CYP7B1: variants seen among roughly 807,000 people sequenced by gnomAD.
CYP7B1 encodes cytochrome P450 7B1.
CYP7B1 carries 29 observed loss-of-function variants against 42.7 expected under a neutral mutation model. The ratio of observed to expected loss-of-function variants is 0.68; its 90% CI spans 0.51 to 0.93. The LOEUF is 0.93. CYP7B1 is among the 40% of genes least tolerant of loss of function. The pLI is 0.00. For synonymous variants in CYP7B1, 235 were observed against 218.2 expected (o/e 1.08, Z -0.68); for missense variants, 655 against 600.5 (o/e 1.09, Z -0.95).
intron 5 of CYP7B1, 38 bp from the exon 6 acceptor site, chr8:64,596,967 T>C (rs764847637): frequency 1.5e-4 from 232 of 1,551,436 alleles, no homozygotes; most frequent in Non-Finnish European, 2.0e-4. Context: ...ACATTTTATA[T>C]GAAATAGTTT....
intron 1 of CYP7B1, among the ~76,000 whole-genome samples, chr8:64,687,501 C>T (rs537437253): frequency 2.0e-5 from 3 of 152,132 alleles, no homozygotes; most frequent in African/African-American, 7.2e-5. Flanking sequence ...CTAAAAAAAA[C>T]CTGATGAATT....
In CYP7B1 at chr8:64,675,838, A is replaced by G. The variant is rs1806437935; in HGVS notation, c.123-51299T>C. 2.0e-5 allele frequency among the ~76,000 whole-genome samples: 3 copies of G among 152,146 alleles called. No individual in the cohort carries two copies. The South Asian group carries it at 6.2e-4, about 32-fold the overall frequency. ...CATTTTTCCTGTGAGATTCACAAAA[A>G]CCAACTTTTGTATATAGCTCCAAGG... On this transcript the variant is annotated intron_variant, in intron 1 of 5. Coordinates refer to ENST00000310193, the MANE Select transcript of CYP7B1 (RefSeq NM_004820.5).
intron 1 of CYP7B1, among the ~76,000 whole-genome samples, chr8:64,780,937 T>C (rs1451593780): frequency 6.6e-6 from 1 of 152,158 alleles, no homozygotes; most frequent in Non-Finnish European, 1.5e-5. Flanking sequence ...CCAAATCATA[T>C]CTGAGTCTCA....
chr8:64,627,523 G>T lies in CYP7B1; in HGVS notation c.123-2984C>A, dbSNP rs1340084882. Among the ~76,000 whole-genome samples the T allele has an allele frequency of 2.6e-5, 4 of 152,130 alleles. No individual in the cohort carries two copies. In the South Asian group the frequency reaches 6.2e-4, roughly 24 times the overall value. ...TGCATTTTGACAAAGATTTAGAAAA[G>T]CTTTTTGTCATATTCTAATTTAAAG... On this transcript the variant is annotated intron_variant, in intron 1 of 5. Coordinates refer to ENST00000310193, the MANE Select transcript of CYP7B1 (RefSeq NM_004820.5).
At chr8:64,753,438 G>C (rs899301878) in intron 1 of CYP7B1, among the ~76,000 whole-genome samples, 4 of 152,240 alleles carry the variant, frequency 2.6e-5, no homozygotes, top group Admixed American at 1.3e-4. Flanking sequence ...GACGTTCTTC[G>C]AAGTCCAAGC....
At chr8:64,656,677 A>T (rs1806125542) in intron 1 of CYP7B1, among the ~76,000 whole-genome samples, 1 of 152,228 alleles carries the variant, frequency 6.6e-6, no homozygotes, top group Non-Finnish European at 1.5e-5. Flanking sequence ...AAACCATTTT[A>T]AAAAACAATT....
intron 5 of CYP7B1, among the ~76,000 whole-genome samples, chr8:64,599,257 C>T (rs1805163808): frequency 6.6e-6 from 1 of 151,954 alleles, no homozygotes; most frequent in Non-Finnish European, 1.5e-5. Context: ...GGCGCGATCT[C>T]GGCTCACTGC....
At chr8:64,669,726 TACACACACAC>T (rs57345617) in intron 1 of CYP7B1, among the ~76,000 whole-genome samples, 1 of 129,820 alleles carries the variant, frequency 7.7e-6, no homozygotes, top group Non-Finnish European at 1.7e-5. Context: ...TTTACATACA[TACACACACAC>T]ACACACACAC....
chr8:64,620,864 C>T (rs541658068), intron 2 of CYP7B1, among the ~76,000 whole-genome samples: 2 of 152,228 alleles, frequency 1.3e-5, no homozygotes, highest in Admixed American at 1.3e-4. Flanking sequence ...CAGCAAGCTT[C>T]TTGGTACCTA....
chr8:64,710,612 T>A (rs1462664609), intron 1 of CYP7B1, among the ~76,000 whole-genome samples: 4 of 152,190 alleles, frequency 2.6e-5, no homozygotes, highest in African/African-American at 9.6e-5. Flanking sequence ...TCAGTTAGGA[T>A]ACTTGCCATT....
intron 1 of CYP7B1, among the ~76,000 whole-genome samples, chr8:64,642,304 A>G: frequency 6.6e-6 from 1 of 151,606 alleles, no homozygotes; most frequent in African/African-American, 2.4e-5. Context: ...TCGAAGTCCT[A>G]GTAATGTGTC....
At chr8:64,609,076 A>G (rs911673478) in intron 4 of CYP7B1, among the ~76,000 whole-genome samples, 1 of 152,204 alleles carries the variant, frequency 6.6e-6, no homozygotes, top group Non-Finnish European at 1.5e-5. Context: ...CAATCTAGGA[A>G]GTTCAAAGTT....
intron 1 of CYP7B1, among the ~76,000 whole-genome samples, chr8:64,745,192 T>C (rs1186545067): frequency 1.3e-5 from 2 of 152,164 alleles, no homozygotes; most frequent in Non-Finnish European, 2.9e-5. Flanking sequence ...TTCCGGTTAT[T>C]TAAAGAATGC....
At chr8:64,735,745 A>C (rs1198192450) in intron 1 of CYP7B1, among the ~76,000 whole-genome samples, 1 of 152,172 alleles carries the variant, frequency 6.6e-6, no homozygotes, top group African/African-American at 2.4e-5. Flanking sequence ...GGCAATGAGA[A>C]TGGGATCTGT....
At chr8:64,685,679 G>A (rs1303668713) in intron 1 of CYP7B1, among the ~76,000 whole-genome samples, 4 of 43,352 alleles carry the variant, frequency 9.2e-5, no homozygotes, top group Non-Finnish European at 1.6e-4. Context: ...CAGCTGCCCC[G>A]TCTGAGAAGT....
intron 1 of CYP7B1, among the ~76,000 whole-genome samples, chr8:64,655,121 T>G (rs1806102651): frequency 6.6e-6 from 1 of 152,166 alleles, no homozygotes; most frequent in South Asian, 2.1e-4. Context: ...GCAAATGTTT[T>G]ATGACAAAGA....
At chr8:64,643,142 TATAC>T (rs372171210) in intron 1 of CYP7B1, among the ~76,000 whole-genome samples, 98 of 41,802 alleles carry the variant, frequency 2.3e-3, no homozygotes, top group African/African-American at 6.7e-3. Flanking sequence ...TATATACATA[TATAC>T]ATATATACAT....
chr8:64,628,668 A>AAATAT (rs2129630534), intron 1 of CYP7B1, among the ~76,000 whole-genome samples: 1 of 152,202 alleles, frequency 6.6e-6, no homozygotes, highest in Non-Finnish European at 1.5e-5. Flanking sequence ...AAATAAAATA[A>AAATAT]AATATAAAAT....
In CYP7B1 at chr8:64,782,211, A is replaced by C. The variant is rs185875361; in HGVS notation, c.122+16255T>G. On this transcript the variant is annotated intron_variant, in intron 1 of 5. Coordinates refer to ENST00000310193, the MANE Select transcript of CYP7B1 (RefSeq NM_004820.5). ...GAGCTGCAGACGACTTCACATACACAAATTGCCAGCTATGATCTGCCTTTC... is the reference window on the plus strand; with the variant it reads ...GAGCTGCAGACGACTTCACATACACCAATTGCCAGCTATGATCTGCCTTTC... Among the ~76,000 whole-genome samples, 8 of 150,936 alleles carry C rather than the reference A, an allele frequency of 5.3e-5. No homozygotes were observed. In the East Asian group the frequency reaches 1.4e-3, roughly 26 times the overall value.
Sources: allele counts gnomAD v4.1 joint callset (sites outside exome capture counted in the v4.1 genomes callset), GRCh38; gene constraint gnomAD v4.1.1; transcripts MANE v1.5; gene names NCBI Gene and HGNC (gene_info 2026-07-23, HGNC 2026-07-21).